The following STARD9 variants were observed in gnomAD, a reference collection of about 807,000 sequenced individuals.
The protein encoded by STARD9 is StAR related lipid transfer domain containing 9.
A neutral mutation model predicts 399.8 loss-of-function variants in STARD9; 346 were observed. That is an observed-to-expected ratio of 0.87 (90% confidence interval 0.79 to 0.95). The LOEUF (loss-of-function observed/expected upper bound fraction) is 0.95, where lower values mean the gene tolerates loss of function less well. STARD9 is among the 40% of genes least tolerant of loss of function. The probability of loss-of-function intolerance (pLI) is 0.00; values close to 1 mark genes in which losing one functional copy is unlikely to be tolerated. For synonymous variants in STARD9, 2,203 were observed against 2,143.5 expected (o/e 1.03, Z -0.77); for missense variants, 5,832 against 5,667.5 (o/e 1.03, Z -0.93).
At chr15:42,602,982 T>C (rs2058658994) in intron 3 of STARD9, among the ~76,000 whole-genome samples, 1 of 152,206 alleles carries the variant, frequency 6.6e-6, no homozygotes, top group South Asian at 2.1e-4. Flanking sequence ...TCCTGCCTCA[T>C]ATCCAGTATG....
chr15:42,581,502 G>A, intron 1 of STARD9: 1 of 1,474,672 alleles, frequency 6.8e-7, no homozygotes, highest in South Asian at 1.2e-5. Flanking sequence ...TGTGGACGCG[G>A]GCTCTGGGCT....
chr15:42,687,477 G>A lies in STARD9; in HGVS notation c.5899G>A (p.Gly1967Ser). ...SSPVMVAQGG[G>S]PTPKWEGKNE... Reference sequence around the variant, plus strand: ...CCCAGTGATGGTGGCCCAGGGTGGTGGCCCAACCCCTAAGTGGGAAGGGAA... The same window carrying A: ...CCCAGTGATGGTGGCCCAGGGTGGTAGCCCAACCCCTAAGTGGGAAGGGAA... Residue 1967 changes from glycine (G) to serine (S), a missense_variant, in exon 23 of 33, where the codon GGC becomes AGC. Physicochemically the swap from Gly to Ser is moderately conservative, Grantham distance 56. Transcript: ENST00000290607. The A allele has an allele frequency of 6.5e-7, 1 of 1,537,142 alleles. No individual in the cohort carries two copies.
At chr15:42,582,496 G>A (rs1250686161) in intron 1 of STARD9, among the ~76,000 whole-genome samples, 1 of 152,150 alleles carries the variant, frequency 6.6e-6, no homozygotes, top group African/African-American at 2.4e-5. Context: ...CCACATAACT[G>A]CAACATAGGA....
At position 42,687,796 on chromosome 15, in the gene STARD9, A is replaced by G. The variant is rs532136883; in HGVS notation, c.6218A>G (p.His2073Arg). 53 of 1,537,354 alleles carry G rather than the reference A, an allele frequency of 3.4e-5. No homozygotes were observed. Among genetic ancestry groups the G allele is most frequent in the Non-Finnish European group, 4.4e-5 (51 of 1,146,986 alleles). ...GAATCTAAGCAGAATAAGCAGGTTC[A>G]TGCTTCCCACACACCAGGAACCGAT... ...EIESKQNKQV[H>R]ASHTPGTDKE... Residue 2073 changes from histidine (H) to arginine (R), a missense_variant, in exon 23 of 33, where the codon CAT (histidine) becomes CGT (arginine). Around this residue, in one of 2 missense-constraint regions of STARD9, gnomAD observed 5,828 missense variants for 5,651.1 expected, o/e 1.03. Coordinates refer to ENST00000290607, the MANE Select transcript of STARD9 (RefSeq NM_020759.3).
At chr15:42,647,429 A>C (rs924890747) in intron 7 of STARD9, among the ~76,000 whole-genome samples, 3 of 152,188 alleles carry the variant, frequency 2.0e-5, no homozygotes, top group Admixed American at 6.5e-5. Context: ...TATTACATGC[A>C]TACAAAATTA....
intron 3 of STARD9, among the ~76,000 whole-genome samples, chr15:42,600,004 GCTTAAAGACT>G (rs1331630543): frequency 6.6e-6 from 1 of 152,164 alleles, no homozygotes; most frequent in Non-Finnish European, 1.5e-5. Flanking sequence ...GGAGGGGACA[GCTTAAAGACT>G]CTAAGGCAGG....
intron 26 of STARD9, among the ~76,000 whole-genome samples, chr15:42,712,720 C>T (rs752719415): frequency 2.0e-5 from 3 of 152,140 alleles, no homozygotes; most frequent in Admixed American, 6.5e-5. Context: ...GTGTGTGTGA[C>T]AGGGTCTCGC....
chr15:42,688,326 A>T lies in STARD9; in HGVS notation c.6748A>T (p.Lys2250Ter). 6.5e-7 allele frequency: 1 copy of T among 1,537,424 alleles called. No individual in the cohort carries two copies. Among genetic ancestry groups the T allele is most frequent in the Non-Finnish European group, 8.7e-7 (1 of 1,146,962 alleles). Reference sequence around the variant, plus strand: ...AAGTCTTGAGGAATTGGAGACTGTGAAAGGTTTTCAGGAAAGCCAAGTAGC... The same window carrying T: ...AAGTCTTGAGGAATTGGAGACTGTGTAAGGTTTTCAGGAAAGCCAAGTAGC... ...LGSLEELETV[K>*]GFQESQVAEH... The change falls in exon 23 of 33, where the codon AAA becomes TAA. Residue 2250 changes from lysine (K) to a stop codon, truncating the protein, a stop_gained. Transcript: ENST00000290607. LOFTEE classifies it high-confidence loss of function.
intron 26 of STARD9, among the ~76,000 whole-genome samples, chr15:42,709,106 A>G (rs2061154211): frequency 6.6e-6 from 1 of 152,202 alleles, no homozygotes. Context: ...TTTATGATTA[A>G]TGAACATGGC....
intron 7 of STARD9, among the ~76,000 whole-genome samples, chr15:42,648,863 G>A (rs549675077): frequency 6.6e-6 from 1 of 151,752 alleles, no homozygotes; most frequent in South Asian, 2.1e-4. Context: ...CCTATTGCCT[G>A]TATACTCTGT....
intron 3 of STARD9, among the ~76,000 whole-genome samples, chr15:42,589,213 ATTAT>A (rs1405932988): frequency 3.3e-5 from 5 of 151,934 alleles, no homozygotes; most frequent in Admixed American, 6.6e-5. Context: ...TTTTTTAACA[ATTAT>A]TTATTATTAT....
In STARD9 at chr15:42,575,727, G is replaced by A. The variant is rs373035305; in HGVS notation, c.12G>A (p.Val4=). The part of the protein sequence containing the change: MAN[V]QVAVRVRPLS... The stretch of plus-strand genomic sequence containing the variant: ...GTTGTGGCAGACGGATGGCGAACGT[G>A]CAGGTCGCCGTGCGGGTCCGGCCGC... Residue 4 remains valine, a synonymous_variant, in exon 1 of 33, where the codon GTG becomes GTA. Transcript: ENST00000290607. 872 of 1,536,632 alleles carry A rather than the reference G, an allele frequency of 5.7e-4. 1 individual carries two copies. Among genetic ancestry groups the A allele is most frequent in the Non-Finnish European group, 6.7e-4 (771 of 1,146,808 alleles).
At chr15:42,712,555 A>T (rs1176423476) in intron 26 of STARD9, among the ~76,000 whole-genome samples, 1 of 152,152 alleles carries the variant, frequency 6.6e-6, no homozygotes, top group African/African-American at 2.4e-5. Flanking sequence ...TCTCCCAACA[A>T]CATTTGTTTA....
At chr15:42,634,805 G>C in intron 3 of STARD9, 51 bp from the exon 4 acceptor site, 1 of 818,206 alleles carries the variant, frequency 1.2e-6, no homozygotes, top group East Asian at 2.9e-5. Flanking sequence ...TTCTAAATCT[G>C]CTATGAGAAG....
chr15:42,663,521 T>G, intron 12 of STARD9, 31 bp downstream of exon 12: 1 of 1,525,888 alleles, frequency 6.6e-7, no homozygotes, highest in South Asian at 1.2e-5. Context: ...GGACCTGTGT[T>G]GGGACTGGTA....
Position 42,689,411 on chromosome 15 carries a change from T to C in STARD9, c.7833T>C (p.Gly2611=). 1 of 1,537,292 alleles carries C rather than the reference T, an allele frequency of 6.5e-7. No individual in the cohort carries two copies. Among genetic ancestry groups the C allele is most frequent in the Non-Finnish European group, 8.7e-7 (1 of 1,146,920 alleles). Residue 2611 remains glycine, a synonymous_variant, in exon 23 of 33, where the codon GGT becomes GGC. Transcript: ENST00000290607. ...CATCAGACCAGACCAGGAATGAGGGTGAAGCACCGGGATTTCATGTGGCAT... is the reference window on the plus strand; with the variant it reads ...CATCAGACCAGACCAGGAATGAGGGCGAAGCACCGGGATTTCATGTGGCAT... The part of the protein sequence containing the change: ...QSSSDQTRNE[G]EAPGFHVASL...
chr15:42,662,736 A>G, intron 10 of STARD9, 58 bp from the exon 11 acceptor site: 5 of 1,111,238 alleles, frequency 4.5e-6, no homozygotes, highest in Middle Eastern at 1.9e-4. Flanking sequence ...TTTCAACAGC[A>G]TTGTAAAGAT....
chr15:42,602,113 T>C lies in STARD9; in HGVS notation c.234+16476T>C, dbSNP rs541268421. 1.1e-4 allele frequency among the ~76,000 whole-genome samples: 17 copies of C among 152,318 alleles called. No individual in the cohort carries two copies. The East Asian group carries it at 2.3e-3, about 21-fold the overall frequency. On this transcript the variant is annotated intron_variant, in intron 3 of 32. Transcript: ENST00000290607. ...ATCCACCCACCTCAGCCTCCCAAAGTGATTACAGGCATTAGCTGCTGCACC... is the reference window on the plus strand; with the variant it reads ...ATCCACCCACCTCAGCCTCCCAAAGCGATTACAGGCATTAGCTGCTGCACC...
chr15:42,685,539 C>G lies in STARD9; in HGVS notation c.3961C>G (p.Leu1321Val), dbSNP rs753394573. The G allele has an allele frequency of 7.8e-6, 12 of 1,537,578 alleles. No individual in the cohort carries two copies. The highest frequency in any genetic ancestry group is 1.4e-5 in the African/African-American group (1 of 73,034). ...EPSYSEQADS[L>V]QGMQLSRESP... ...AAGCTACTCTGAACAAGCCGACTCTCTCCAAGGCATGCAGCTTTCAAGAGA... is the reference window on the plus strand; with the variant it reads ...AAGCTACTCTGAACAAGCCGACTCTGTCCAAGGCATGCAGCTTTCAAGAGA... The change falls in exon 23 of 33, where the codon CTC (leucine) becomes GTC (valine). Residue 1321 changes from leucine to valine, a missense_variant. Coordinates refer to ENST00000290607, the MANE Select transcript of STARD9 (RefSeq NM_020759.3).
Sources: allele counts gnomAD v4.1 joint callset (sites outside exome capture counted in the v4.1 genomes callset), GRCh38; gene constraint gnomAD v4.1.1; regional missense constraint gnomAD v4.1.1; transcripts MANE v1.5; gene names NCBI Gene and HGNC (gene_info 2026-07-23, HGNC 2026-07-21).